Variants in KIF20B observed in about 807,000 individuals in gnomAD.
The protein encoded by KIF20B is kinesin-like protein KIF20B.
KIF20B carries 188 observed loss-of-function variants against 232.5 expected under a neutral mutation model. That is an observed-to-expected ratio of 0.81 (90% CI 0.72 to 0.91). The LOEUF (loss-of-function observed/expected upper bound fraction) is 0.91. Among genes scored for constraint, KIF20B ranks in the 40% least tolerant of loss-of-function variants. KIF20B has a pLI of 0.00. For missense variants in KIF20B, 2,154 were observed against 2,055.9 expected (o/e 1.05, Z -0.92); for synonymous variants, 712 against 683.0 (o/e 1.04, Z -0.66).
chr10:89,738,285 G>T lies in KIF20B; in HGVS notation c.3444G>T (p.Ala1148=), dbSNP rs764171222. Residue 1148 remains alanine (A), a synonymous_variant, in exon 20 of 33, where the codon GCG becomes GCT. Transcript: ENST00000371728. ...AGCATGTAGTTGAAGGAAAGAGAGC[G>T]CTTTCAGAACTTACACAAGGTGTTA... ...QIQHVVEGKR[A]LSELTQGVTC... 1.2e-6 allele frequency: 2 copies of T among 1,610,774 alleles called. No homozygotes were observed. Among genetic ancestry groups the T allele is most frequent in the Non-Finnish European group, 1.7e-6 (2 of 1,179,122 alleles).
At position 89,737,474 on chromosome 10, in the gene KIF20B, G is replaced by C. The variant is rs750678256; in HGVS notation, c.2633G>C (p.Arg878Thr). ...AACATTGCAGAAATTGAAGACATCAGAGTTTTACAAGAAAATAATGAAGGA... is the reference window on the plus strand; with the variant it reads ...AACATTGCAGAAATTGAAGACATCACAGTTTTACAAGAAAATAATGAAGGA... Reference protein sequence around the residue: ...RPNIAEIEDIRVLQENNEGLR... With the variant: ...RPNIAEIEDITVLQENNEGLR... The change falls in exon 20 of 33, where the codon AGA (arginine) becomes ACA (threonine). Residue 878 changes from arginine to threonine, a missense_variant. Transcript: ENST00000371728. 1.9e-6 allele frequency: 3 copies of C among 1,609,140 alleles called. No individual in the cohort carries two copies. The highest frequency in any genetic ancestry group is 2.5e-6 in the Non-Finnish European group (3 of 1,178,604).
chr10:89,735,063 A>G (rs766074389), intron 19 of KIF20B, among the ~76,000 whole-genome samples: 2 of 152,354 alleles, frequency 1.3e-5, no homozygotes, highest in East Asian at 3.9e-4. Context: ...AAACTAGAAA[A>G]TCACTCTTGT....
At chr10:89,727,727 G>T (rs1258136246) in intron 16 of KIF20B, 129 bp from the exon 17 acceptor site, 1 of 776,814 alleles carries the variant, frequency 1.3e-6, no homozygotes, top group Non-Finnish European at 1.9e-6. Flanking sequence ...TGCTTCTAGT[G>T]CTATCAAAAT....
chr10:89,763,959 A>T (rs1447144673), intron 29 of KIF20B, among the ~76,000 whole-genome samples: 3 of 150,792 alleles, frequency 2.0e-5, no homozygotes, highest in African/African-American at 7.3e-5. Context: ...GTTTAGTTAC[A>T]TATGTATATA....
chr10:89,757,886 T>C (rs1369802069), intron 26 of KIF20B, among the ~76,000 whole-genome samples: 2 of 151,838 alleles, frequency 1.3e-5, no homozygotes, highest in South Asian at 2.1e-4. Flanking sequence ...ATTGGGAAGA[T>C]TGTCCTTCCT....
intron 29 of KIF20B, among the ~76,000 whole-genome samples, chr10:89,764,557 G>T (rs1468963743): frequency 6.6e-6 from 1 of 152,134 alleles, no homozygotes; most frequent in African/African-American, 2.4e-5. Context: ...TCCAGCACCT[G>T]TTGTTCCCTG....
In KIF20B at chr10:89,774,022, C is replaced by T. The variant is rs372021958; in HGVS notation, c.5437C>T (p.Arg1813Ter). 1.5e-5 allele frequency: 24 copies of T among 1,587,546 alleles called. No homozygotes were observed. Among genetic ancestry groups the T allele is most frequent in the East Asian group, 1.4e-4 (6 of 44,150 alleles). Residue 1813 changes from arginine (R) to a stop codon, truncating the protein, a stop_gained, in exon 33 of 33, where the codon CGA becomes TGA. Coordinates refer to ENST00000371728, the MANE Select transcript of KIF20B (RefSeq NM_001284259.2). LOFTEE classifies it high-confidence loss of function. ...KESDHQIIKR[R>*]LRTKTAK ...GAGTGATCACCAGATTATCAAACGA[C>T]GACTTCGAACAAAAACAGCCAAATA...
chr10:89,762,896 ATAGAGT>A (rs1189605242), intron 29 of KIF20B, 61 bp downstream of exon 29: 8 of 1,274,356 alleles, frequency 6.3e-6, no homozygotes, highest in East Asian at 2.5e-5. Context: ...CTGTTATAGT[ATAGAGT>A]TAAACTGCTA....
intron 8 of KIF20B, 122 bp downstream of exon 8, chr10:89,715,304 A>T: frequency 1.5e-6 from 1 of 661,712 alleles, no homozygotes; most frequent in South Asian, 1.9e-5. Context: ...ACATTAAGAG[A>T]AGAAGATAAT....
At chr10:89,732,687 AT>A (rs1268491525) in intron 18 of KIF20B, among the ~76,000 whole-genome samples, 1 of 152,194 alleles carries the variant, frequency 6.6e-6, no homozygotes, top group Non-Finnish European at 1.5e-5. Flanking sequence ...GACTTCAGAG[AT>A]TTATCTTCTT....
At chr10:89,722,820 AAAAG>A (rs1337769959) in intron 13 of KIF20B, among the ~76,000 whole-genome samples, 18 of 152,268 alleles carry the variant, frequency 1.2e-4, no homozygotes, top group African/African-American at 4.3e-4. Context: ...AGTAGAGTGA[AAAAG>A]AAAATCTAAA....
chr10:89,738,434 A>G lies in KIF20B; in HGVS notation c.3593A>G (p.Glu1198Gly). ...LEKESIILKLERNLKEFQEHL... is the reference protein window; with the variant it reads ...LEKESIILKLGRNLKEFQEHL... ...AAGGAATCTATCATCTTAAAGCTAG[A>G]AAGAAATTTGAAGGAATTTCAAGAA... is the stretch of plus-strand genomic sequence containing the variant. The change falls in exon 20 of 33, where the codon GAA becomes GGA. Residue 1198 changes from glutamate to glycine, a missense_variant. Transcript: ENST00000371728. The G allele has an allele frequency of 6.2e-7, 1 of 1,603,500 alleles. No individual in the cohort carries two copies. Among genetic ancestry groups the G allele is most frequent in the Non-Finnish European group, 8.5e-7 (1 of 1,177,372 alleles).
chr10:89,725,054 GA>G lies in KIF20B; in HGVS notation c.1901del (p.Asn634MetfsTer40). On this transcript the variant is annotated frameshift_variant, in exon 15 of 33. Coordinates refer to ENST00000371728, the MANE Select transcript of KIF20B (RefSeq NM_001284259.2). LOFTEE classifies it high-confidence loss of function. ...GCTTCAAGAACGAGAGATATTAGAA[GA>G]AAATGCTGAACGTCGTTTGGCTATC... ...TLLQEREILE[E>X]NAERRLAIFK... The G allele has an allele frequency of 6.2e-7, 1 of 1,613,736 alleles. No individual in the cohort carries two copies.
chr10:89,767,425 C>T (rs1016045073), intron 29 of KIF20B, among the ~76,000 whole-genome samples: 2 of 150,598 alleles, frequency 1.3e-5, no homozygotes, highest in Non-Finnish European at 3.0e-5. Flanking sequence ...CTCATGGTCT[C>T]TTTTCACTGG....
chr10:89,708,921 G>A (rs920766659), intron 2 of KIF20B, among the ~76,000 whole-genome samples: 1 of 152,084 alleles, frequency 6.6e-6, no homozygotes. Context: ...GTGGAATAAA[G>A]CCTTTTTATA....
At chr10:89,725,714 C>G (rs1843170751) in intron 15 of KIF20B, among the ~76,000 whole-genome samples, 1 of 152,216 alleles carries the variant, frequency 6.6e-6, no homozygotes, top group Non-Finnish European at 1.5e-5. Context: ...GCTGAGATTA[C>G]AGGTGCACGC....
At chr10:89,727,781 A>G in intron 16 of KIF20B, 75 bp from the exon 17 acceptor site, 1 of 1,281,656 alleles carries the variant, frequency 7.8e-7, no homozygotes, top group Middle Eastern at 2.0e-4. Flanking sequence ...AGAGCAGCAT[A>G]TGTTTCATAG....
intron 19 of KIF20B, among the ~76,000 whole-genome samples, chr10:89,737,119 C>T (rs1331708048): frequency 2.0e-5 from 3 of 152,074 alleles, no homozygotes; most frequent in Non-Finnish European, 4.4e-5. Context: ...GGTAATGCTA[C>T]TCAGAGGTAG....
chr10:89,728,836 C>G (rs1359148529), intron 17 of KIF20B, among the ~76,000 whole-genome samples: 1 of 151,742 alleles, frequency 6.6e-6, no homozygotes, highest in African/African-American at 2.4e-5. Context: ...AAAGGGATAG[C>G]AGCTAGGATT....
Sources: allele counts gnomAD v4.1 joint callset (sites outside exome capture counted in the v4.1 genomes callset), GRCh38; gene constraint gnomAD v4.1.1; transcripts MANE v1.5; gene names NCBI Gene and HGNC (gene_info 2026-07-23, HGNC 2026-07-21).